The following PLXNA1 variants were observed in gnomAD, a reference collection of about 807,000 sequenced individuals.
PLXNA1 encodes plexin A1.
Under a neutral mutation model 191.7 loss-of-function variants are expected in PLXNA1, and 77 were observed. The observed-to-expected ratio is 0.40, with a 90% CI of 0.33 to 0.49. The LOEUF (loss-of-function observed/expected upper bound fraction) is 0.49, where lower values mean the gene tolerates loss of function less well. Among genes scored for constraint, PLXNA1 ranks in the 20% least tolerant of loss-of-function variants. PLXNA1 has a pLI of 0.63. For synonymous variants in PLXNA1, 1,137 were observed against 1,156.4 expected, an observed-to-expected ratio of 0.98 and a Z score of 0.34; for missense variants, 2,110 against 2,660.2, an observed-to-expected ratio of 0.79 and a Z score of 4.55.
chr3:126,996,806 G>C (rs1407742728), intron 3 of PLXNA1, among the ~76,000 whole-genome samples: 1 of 152,094 alleles, frequency 6.6e-6, no homozygotes, highest in Admixed American at 6.5e-5. Flanking sequence ...CTGCACTGTT[G>C]GCGTTCTTTG....
At position 127,004,999 on chromosome 3, in the gene PLXNA1, C is replaced by T. The variant is rs368596147; in HGVS notation, c.1734C>T (p.Ser578=). The T allele has an allele frequency of 1.0e-3, 1,628 of 1,608,990 alleles. 28 individuals carry two copies. In the South Asian group the frequency reaches 0.016, roughly 16 times the overall value. ...CCCGCAATGTGTCTGTCACCATGTC[C>T]CAGGTCCCAGTAAGTGTGGCACCCC... ...VQPRNVSVTM[S]QVPLVLQAWN... Residue 578 remains serine, a synonymous_variant, in exon 6 of 32, where the codon TCC becomes TCT. Transcript: ENST00000393409.
At chr3:126,989,935 T>A (rs1186713042) in intron 2 of PLXNA1, 148 bp downstream of exon 2, 4 of 703,528 alleles carry the variant, frequency 5.7e-6, no homozygotes. Context: ...TAGGTGGGGC[T>A]GCCCTTTTCC....
In PLXNA1 at chr3:127,030,031, G is replaced by A. The variant is rs753658946; in HGVS notation, c.5028G>A (p.Ser1676=). Residue 1676 remains serine, a synonymous_variant, in exon 28 of 32, where the codon TCG becomes TCA. Transcript: ENST00000393409. ...GTGACCGCGGCAGCAAGATGGTCTC[G>A]GAGATCTACTTGACACGGCTACTGG... is the stretch of plus-strand genomic sequence containing the variant. ...REGDRGSKMV[S]EIYLTRLLAT... 25 of 1,613,252 alleles carry A rather than the reference G, an allele frequency of 1.5e-5. No homozygotes were observed. The highest frequency in any genetic ancestry group is 1.6e-4 in the Middle Eastern group (1 of 6,080).
chr3:127,021,958 TG>T, intron 21 of PLXNA1, 126 bp from the exon 22 acceptor site: 1 of 1,393,514 alleles, frequency 7.2e-7, no homozygotes, highest in Non-Finnish European at 9.6e-7. Flanking sequence ...ACTTGTCACT[TG>T]CCTTCCAGGC....
chr3:126,999,932 G>A (rs558637206), intron 3 of PLXNA1, among the ~76,000 whole-genome samples: 84 of 152,246 alleles, frequency 5.5e-4, no homozygotes, highest in African/African-American at 1.8e-3. Flanking sequence ...CGACTCGCCC[G>A]TGTGCATGTA....
chr3:127,002,475 C>T (rs1294576669), intron 3 of PLXNA1, among the ~76,000 whole-genome samples: 3 of 152,228 alleles, frequency 2.0e-5, no homozygotes, highest in Non-Finnish European at 4.4e-5. Flanking sequence ...GCTCTGTAAC[C>T]GTGAGGAGTG....
chr3:127,014,651 T>TGCGGG, intron 13 of PLXNA1, 22 bp downstream of exon 13: 8 of 1,536,768 alleles, frequency 5.2e-6, no homozygotes, highest in South Asian at 4.5e-5. Context: ...CCTGGGTGTG[T>TGCGGG]GCGGGGCGGG....
At chr3:126,994,447 T>C (rs2079005513) in intron 3 of PLXNA1, among the ~76,000 whole-genome samples, 1 of 152,056 alleles carries the variant, frequency 6.6e-6, no homozygotes, top group Non-Finnish European at 1.5e-5. Flanking sequence ...AAAGCCTAAC[T>C]TCCCACCACA....
intron 28 of PLXNA1, 78 bp from the exon 29 acceptor site, chr3:127,030,165 C>A: frequency 6.3e-7 from 1 of 1,589,198 alleles, no homozygotes; most frequent in Non-Finnish European, 8.6e-7. Flanking sequence ...GCTCCCATGG[C>A]CACTTGCCTA....
In PLXNA1 at chr3:126,988,621, G is replaced by A; in HGVS notation, c.28G>A (p.Val10Met). The A allele has an allele frequency of 3.2e-6, 5 of 1,566,450 alleles. No homozygotes were observed. The highest frequency in any genetic ancestry group is 1.2e-5 in the South Asian group (1 of 82,668). MPLPPRSLQVLLLLLLLLLL... is the reference protein window; with the variant it reads MPLPPRSLQMLLLLLLLLLL... ...GCCGCTGCCACCGCGGAGCCTGCAGGTGCTCCTGCTGCTGCTGCTGTTGCT... is the reference window on the plus strand; with the variant it reads ...GCCGCTGCCACCGCGGAGCCTGCAGATGCTCCTGCTGCTGCTGCTGTTGCT... The change falls in exon 2 of 32, where the codon GTG (valine) becomes ATG (methionine). Residue 10 changes from valine (V) to methionine (M), a missense_variant. Physicochemically the swap from Val to Met is conservative, Grantham distance 21 (BLOSUM62 1). This residue lies in a region of PLXNA1 where 903 missense variants were observed against 1,015.7 expected (regional missense o/e 0.89). Coordinates refer to ENST00000393409, the MANE Select transcript of PLXNA1 (RefSeq NM_032242.4).
chr3:126,992,895 G>T (rs1027571950), intron 3 of PLXNA1, among the ~76,000 whole-genome samples: 2 of 152,174 alleles, frequency 1.3e-5, no homozygotes, highest in Non-Finnish European at 1.5e-5. Context: ...ACACTGGAAG[G>T]CACACAGGGC....
chr3:127,031,006 C>G (rs887131942), intron 29 of PLXNA1, among the ~76,000 whole-genome samples: 1 of 152,182 alleles, frequency 6.6e-6, no homozygotes, highest in Non-Finnish European at 1.5e-5. Flanking sequence ...AAGAGGCACC[C>G]AGCCTCTGAG....
intron 2 of PLXNA1, 56 bp downstream of exon 2, chr3:126,989,843 G>A (rs1326237676): frequency 1.9e-5 from 27 of 1,439,874 alleles, no homozygotes; most frequent in South Asian, 2.6e-5. Flanking sequence ...CAGGGACGAC[G>A]GCATCGGTGT....
chr3:127,005,740 G>A (rs896844549), intron 7 of PLXNA1, among the ~76,000 whole-genome samples: 4 of 149,308 alleles, frequency 2.7e-5, no homozygotes, highest in Non-Finnish European at 5.9e-5. Flanking sequence ...TGGGGCGCAG[G>A]TTGGGTGGGG....
chr3:127,030,660 GGT>G (rs2079204959), intron 29 of PLXNA1, among the ~76,000 whole-genome samples: 1 of 152,244 alleles, frequency 6.6e-6, no homozygotes, highest in Non-Finnish European at 1.5e-5. Context: ...ACTGTGTGCA[GGT>G]GTGAGTGGCT....
intron 3 of PLXNA1, 86 bp from the exon 4 acceptor site, chr3:127,003,244 C>T: frequency 1.4e-6 from 2 of 1,436,274 alleles, no homozygotes; most frequent in Non-Finnish European, 9.3e-7. Context: ...CAGGGAGGGG[C>T]TTTAGACCCC....
intron 29 of PLXNA1, 50 bp from the exon 30 acceptor site, chr3:127,032,337 C>T (rs2079215614): frequency 6.3e-7 from 1 of 1,579,106 alleles, no homozygotes; most frequent in East Asian, 2.2e-5. Context: ...GGTCACTGCT[C>T]AGGAGGGAGC....
At chr3:127,024,466 G>C (rs1190402918) in intron 23 of PLXNA1, among the ~76,000 whole-genome samples, 2 of 152,162 alleles carry the variant, frequency 1.3e-5, no homozygotes, top group Non-Finnish European at 1.5e-5. Context: ...AGGGAGGCCA[G>C]TCTTGGCCAA....
chr3:126,995,516 TCTGGTC>T (rs1451763252), intron 3 of PLXNA1, among the ~76,000 whole-genome samples: 1 of 152,254 alleles, frequency 6.6e-6, no homozygotes, highest in Admixed American at 6.5e-5. Flanking sequence ...CCAGCCCTGC[TCTGGTC>T]CTGCTGCTGC....
Sources: allele counts gnomAD v4.1 joint callset (sites outside exome capture counted in the v4.1 genomes callset), GRCh38; gene constraint gnomAD v4.1.1; regional missense constraint gnomAD v4.1.1; transcripts MANE v1.5; gene names NCBI Gene and HGNC (gene_info 2026-07-23, HGNC 2026-07-21).